Variants in FAM120A observed in about 807,000 individuals in gnomAD.
FAM120A encodes constitutive coactivator of PPAR-gamma-like protein 1.
Under a neutral mutation model 109.7 loss-of-function variants are expected in FAM120A, and 15 were observed. The observed-to-expected ratio is 0.14, with a 90% CI of 0.09 to 0.21. The LOEUF (loss-of-function observed/expected upper bound fraction) is 0.21, where lower values mean the gene tolerates loss of function less well. Ranked by LOEUF, FAM120A falls within the 10% of genes least tolerant of loss-of-function variation. The pLI is 1.00. For missense variants in FAM120A, 899 were observed against 1,439.3 expected (o/e 0.62, Z 6.07); for synonymous variants, 493 against 572.8 (o/e 0.86, Z 1.99).
chr9:93,454,695 C>T (rs1334846355), intron 1 of FAM120A, among the ~76,000 whole-genome samples: 1 of 152,100 alleles, frequency 6.6e-6, no homozygotes, highest in African/African-American at 2.4e-5. Flanking sequence ...CTTCCTTGGT[C>T]CCTGAGGGTA....
At chr9:93,488,456 G>A (rs1368955837) in intron 3 of FAM120A, among the ~76,000 whole-genome samples, 1 of 151,768 alleles carries the variant, frequency 6.6e-6, no homozygotes, top group Non-Finnish European at 1.5e-5. Context: ...CCTCGCCTCT[G>A]TTGCCTCCTA....
intron 3 of FAM120A, among the ~76,000 whole-genome samples, chr9:93,484,870 C>T (rs1362178564): frequency 6.6e-6 from 1 of 152,196 alleles, no homozygotes; most frequent in African/African-American, 2.4e-5. Flanking sequence ...CCACTGCGCC[C>T]GGCCTGCTGA....
chr9:93,512,803 C>G (rs1054075080), intron 5 of FAM120A, among the ~76,000 whole-genome samples: 4 of 152,196 alleles, frequency 2.6e-5, no homozygotes, highest in African/African-American at 9.7e-5. Context: ...AATTAATTCA[C>G]TTATTGGACT....
intron 8 of FAM120A, among the ~76,000 whole-genome samples, chr9:93,527,560 T>G (rs568536990): frequency 1.3e-5 from 2 of 151,776 alleles, no homozygotes; most frequent in African/African-American, 2.4e-5. Flanking sequence ...ATGCTAAATT[T>G]AACTCCCCCA....
At chr9:93,462,835 A>AC (rs1857854169) in intron 1 of FAM120A, among the ~76,000 whole-genome samples, 1 of 152,208 alleles carries the variant, frequency 6.6e-6, no homozygotes, top group Non-Finnish European at 1.5e-5. Context: ...CAATGTCTTC[A>AC]AGGTTCATAC....
Position 93,564,381 on chromosome 9 carries a change from G to T in FAM120A, c.3198G>T (p.Gly1066=). The T allele has an allele frequency of 6.2e-7, 1 of 1,614,120 alleles. No homozygotes were observed. Among genetic ancestry groups the T allele is most frequent in the Non-Finnish European group, 8.5e-7 (1 of 1,180,022 alleles). ...AEEKPAPQMN[G]STGDARAPSH... is the part of the protein sequence containing the mutation. ...AGAAGCCGGCTCCCCAGATGAACGG[G>T]AGCACGGGTGACGCCAGGGCCCCCA... is the stretch of plus-strand genomic sequence containing the variant. Residue 1066 remains glycine (G), a synonymous_variant, in exon 18 of 18, where the codon GGG becomes GGT. Transcript: ENST00000277165.
intron 3 of FAM120A, among the ~76,000 whole-genome samples, chr9:93,480,889 G>C (rs1280718172): frequency 6.6e-6 from 1 of 152,186 alleles, no homozygotes. Flanking sequence ...GCTCTGGGCC[G>C]CTGTGCTCCT....
chr9:93,478,297 G>A (rs10992752), intron 3 of FAM120A, among the ~76,000 whole-genome samples: 7,563 of 145,262 alleles, frequency 0.052, 280 homozygotes, highest in East Asian at 0.11. Flanking sequence ...TTTTTTGATC[G>A]AGATCCAGTC....
chr9:93,465,814 A>C (rs925514797), intron 1 of FAM120A, among the ~76,000 whole-genome samples: 9 of 151,898 alleles, frequency 5.9e-5, no homozygotes, highest in Admixed American at 4.6e-4. Flanking sequence ...CCTGGTCAGG[A>C]CCTCTAGTGT....
chr9:93,546,581 C>T (rs559136192), intron 11 of FAM120A, among the ~76,000 whole-genome samples: 1 of 152,204 alleles, frequency 6.6e-6, no homozygotes, highest in Non-Finnish European at 1.5e-5. Context: ...TGCAGCTGGT[C>T]CTGGTGGCAT....
At chr9:93,553,649 T>C (rs998790290) in intron 12 of FAM120A, among the ~76,000 whole-genome samples, 1 of 152,188 alleles carries the variant, frequency 6.6e-6, no homozygotes, top group Non-Finnish European at 1.5e-5. Context: ...TCAATTGATA[T>C]AAGAGAATGA....
At chr9:93,497,044 C>CT (rs11454224) in intron 3 of FAM120A, among the ~76,000 whole-genome samples, 4,534 of 152,266 alleles carry the variant, frequency 0.03, 236 homozygotes, top group African/African-American at 0.1. Flanking sequence ...AAAGATTCTA[C>CT]TTGTGCAGGC....
rs1245229764 is a variant in FAM120A, at chr9:93,532,227, A to C, written c.1807A>C (p.Arg603=). The change falls in exon 10 of 18, where the codon AGG becomes CGG. Residue 603 remains arginine, a synonymous_variant. Coordinates refer to ENST00000277165, the MANE Select transcript of FAM120A (RefSeq NM_014612.5). This position sits in a 1 kb window ranked among gnomAD's most constrained non-coding sequence, Gnocchi z 4.3. The part of the protein sequence containing the change: ...KDLPPAALLY[R]PVRQYVYGVL... ...CCTGCCTCCGGCCGCTCTGCTCTATAGGCCAGTTCGTCAGTATGTTTACGG... is the reference window on the plus strand; with the variant it reads ...CCTGCCTCCGGCCGCTCTGCTCTATCGGCCAGTTCGTCAGTATGTTTACGG... 1.9e-6 allele frequency: 3 copies of C among 1,614,248 alleles called. No individual in the cohort carries two copies.
chr9:93,526,464 G>A (rs534620024), intron 7 of FAM120A, among the ~76,000 whole-genome samples: 1 of 152,072 alleles, frequency 6.6e-6, no homozygotes, highest in African/African-American at 2.4e-5. Context: ...CTCTCATTCT[G>A]TAATTTGAGA....
chr9:93,558,111 C>T, intron 14 of FAM120A, 101 bp downstream of exon 14: 1 of 1,237,234 alleles, frequency 8.1e-7, no homozygotes, highest in Non-Finnish European at 1.1e-6. Flanking sequence ...TTGACCTTGT[C>T]ACTGTTGGTC....
At chr9:93,546,439 C>T (rs1023665781) in intron 11 of FAM120A, among the ~76,000 whole-genome samples, 5 of 152,168 alleles carry the variant, frequency 3.3e-5, no homozygotes, top group South Asian at 2.1e-4. Context: ...GTTTCAGCTT[C>T]GTGTTTAAGT....
chr9:93,452,569 G>T lies in FAM120A; in HGVS notation c.474+180G>T. On this transcript the variant is annotated intron_variant, in intron 1 of 17. Coordinates refer to ENST00000277165, the MANE Select transcript of FAM120A (RefSeq NM_014612.5). This position sits in a 1 kb window ranked among gnomAD's most constrained non-coding sequence, Gnocchi z 7.0. ...AGATGGATGGCCGCGGGTGCAGGCC[G>T]CGCGCTGCCCAAGCCCGTCTCCAGC... 1 of 1,591,600 alleles carries T rather than the reference G, an allele frequency of 6.3e-7. No individual in the cohort carries two copies.
Position 93,527,302 on chromosome 9 carries a change from A to G in FAM120A, c.1506+60A>G, listed in dbSNP as rs887881820. On this transcript the variant is annotated intron_variant, in intron 8 of 17. Transcript: ENST00000277165. ...GACTCATTTTGTATTAGCACACTGT[A>G]TTAGTGATCAAATAGTGAAAAATAA... is the stretch of plus-strand genomic sequence containing the variant. 6 of 1,171,728 alleles carry G rather than the reference A, an allele frequency of 5.1e-6. No individual in the cohort carries two copies. The South Asian group carries it at 6.2e-5, about 12-fold the overall frequency. 72.6% of individuals were successfully genotyped at this position (1,171,728 alleles called of 1,614,324 possible).
chr9:93,519,837 C>T (rs1339816238), intron 7 of FAM120A, among the ~76,000 whole-genome samples: 1 of 152,084 alleles, frequency 6.6e-6, no homozygotes, highest in Non-Finnish European at 1.5e-5. Context: ...AAGAAAAAAG[C>T]TTCCTATGAA....
Sources: gnomAD v4.1 joint callset for allele counts (sites outside exome capture counted in the v4.1 genomes callset) on GRCh38, gnomAD v4.1.1 for gene constraint, Gnocchi (gnomAD v3.1) non-coding constraint, MANE v1.5 for transcripts, NCBI Gene and HGNC (gene_info 2026-07-23, HGNC 2026-07-21) for gene names.